SYNPR: variants seen among roughly 807,000 people sequenced by gnomAD.
The protein encoded by SYNPR is synaptoporin.
SYNPR carries 23 observed loss-of-function variants against 32.9 expected under a neutral mutation model. That is an observed-to-expected ratio of 0.70 (90% CI 0.50 to 0.99). SYNPR has a LOEUF of 0.99. Among genes scored for constraint, SYNPR ranks in the 50% least tolerant of loss-of-function variants. The probability of loss-of-function intolerance (pLI) is 0.00; values close to 1 mark genes in which losing one functional copy is unlikely to be tolerated. For missense variants in SYNPR, 318 were observed against 349.3 expected, an observed-to-expected ratio of 0.91 and a Z score of 0.71; for synonymous variants, 146 against 135.9, an observed-to-expected ratio of 1.07 and a Z score of -0.52.
rs559204531 is a variant in SYNPR, at chr3:63,304,938, A to G, written c.84+26196A>G. Among the ~76,000 whole-genome samples the G allele has an allele frequency of 2.0e-5, 3 of 152,116 alleles. No individual in the cohort carries two copies. In the South Asian group the frequency reaches 6.2e-4, roughly 32 times the overall value. On this transcript the variant is annotated intron_variant, in intron 2 of 5. Coordinates refer to ENST00000478300, the MANE Select transcript of SYNPR (RefSeq NM_001130003.2). ...GATTTCAGTCCTAGCTTGCCATATTACTTATAGAACAGTGGAGAAAGTTAT... is the reference window on the plus strand; with the variant it reads ...GATTTCAGTCCTAGCTTGCCATATTGCTTATAGAACAGTGGAGAAAGTTAT...
At chr3:63,278,203 T>G, upstream of SYNPR, 1 of 271,060 alleles carries the variant, frequency 3.7e-6, no homozygotes, top group Non-Finnish European at 6.9e-6. Flanking sequence ...GCCCACCTCC[T>G]CGCCCTCCCC....
At chr3:63,450,923 C>A (rs1461930412) in intron 2 of SYNPR, among the ~76,000 whole-genome samples, 1 of 152,170 alleles carries the variant, frequency 6.6e-6, no homozygotes, top group Non-Finnish European at 1.5e-5. Flanking sequence ...AAGTATATTG[C>A]TCTGGCAGCA....
intron 4 of SYNPR, among the ~76,000 whole-genome samples, chr3:63,572,706 A>G (rs1487917193): frequency 2.0e-5 from 3 of 152,212 alleles, no homozygotes; most frequent in Non-Finnish European, 4.4e-5. Flanking sequence ...GATTTAAATT[A>G]GAAAGGTTCT....
At chr3:63,364,798 A>G (rs2087710876) in intron 2 of SYNPR, among the ~76,000 whole-genome samples, 1 of 152,204 alleles carries the variant, frequency 6.6e-6, no homozygotes. Flanking sequence ...ATTGGAGATT[A>G]TGATTCAGTA....
At chr3:63,555,815 G>A (rs1702586526) in intron 3 of SYNPR, among the ~76,000 whole-genome samples, 1 of 152,126 alleles carries the variant, frequency 6.6e-6, no homozygotes, top group Admixed American at 6.5e-5. Flanking sequence ...TCACAGTTGA[G>A]TGGTCAGTGG....
intron 3 of SYNPR, among the ~76,000 whole-genome samples, chr3:63,492,878 A>G (rs111625958): frequency 1.3e-5 from 2 of 152,136 alleles, no homozygotes; most frequent in African/African-American, 2.4e-5. Flanking sequence ...AGGAAAGAGA[A>G]ATAGAGAGAC....
intron 3 of SYNPR, among the ~76,000 whole-genome samples, chr3:63,490,023 G>A (rs967741052): frequency 6.6e-6 from 1 of 152,140 alleles, no homozygotes; most frequent in Non-Finnish European, 1.5e-5. Flanking sequence ...GTCTTGAGAG[G>A]AAATTAGGAA....
the SYNPR span, among the ~76,000 whole-genome samples, chr3:63,222,011 A>ATTTTTTTTTTATTTTTTTTTTTTTTT: frequency 1.8e-5 from 1 of 56,406 alleles, no homozygotes; most frequent in Non-Finnish European, 3.5e-5. Context: ...GCCATGCTCA[A>ATTTTTTTTTTATTTTTTTTTTTTTTT]TTTTTTTTTT....
At chr3:63,249,748 T>C (rs915411981) in intron 1 of SYNPR, among the ~76,000 whole-genome samples, 2 of 152,154 alleles carry the variant, frequency 1.3e-5, no homozygotes, top group Non-Finnish European at 2.9e-5. Flanking sequence ...CTGTAGGGAA[T>C]CATAAATAGG....
At chr3:63,505,640 TGATA>T (rs1405766495) in intron 3 of SYNPR, among the ~76,000 whole-genome samples, 1 of 152,198 alleles carries the variant, frequency 6.6e-6, no homozygotes, top group African/African-American at 2.4e-5. Context: ...AAAAGTTAAT[TGATA>T]AAGTGAAGAC....
intron 4 of SYNPR, among the ~76,000 whole-genome samples, chr3:63,563,130 A>C (rs1196113224): frequency 6.6e-6 from 1 of 152,110 alleles, no homozygotes; most frequent in Non-Finnish European, 1.5e-5. Flanking sequence ...TGCTGCTTTC[A>C]CAGTTCTGTC....
chr3:63,486,202 C>T (rs1701146542), intron 3 of SYNPR, among the ~76,000 whole-genome samples: 1 of 152,182 alleles, frequency 6.6e-6, no homozygotes, highest in Non-Finnish European at 1.5e-5. Context: ...GGCCACCATG[C>T]CTAGCCACAA....
chr3:63,416,339 T>A (rs1422649672), intron 2 of SYNPR, among the ~76,000 whole-genome samples: 2 of 152,006 alleles, frequency 1.3e-5, no homozygotes, highest in Non-Finnish European at 2.9e-5. Context: ...GAGACTAGGT[T>A]GGGCAACATG....
intron 3 of SYNPR, among the ~76,000 whole-genome samples, chr3:63,271,300 A>T (rs909874017): frequency 6.6e-6 from 1 of 152,170 alleles, no homozygotes; most frequent in Non-Finnish European, 1.5e-5. Context: ...GGCAGAGATT[A>T]TAACCATGAG....
At chr3:63,565,203 C>T (rs1313877730) in intron 4 of SYNPR, among the ~76,000 whole-genome samples, 1 of 152,134 alleles carries the variant, frequency 6.6e-6, no homozygotes, top group East Asian at 1.9e-4. Flanking sequence ...CAACTCCTGT[C>T]CTATGGAGAG....
intron 2 of SYNPR, among the ~76,000 whole-genome samples, chr3:63,299,169 G>T (rs867461974): frequency 6.6e-6 from 1 of 152,116 alleles, no homozygotes; most frequent in South Asian, 2.1e-4. Context: ...GGAAAAGAAA[G>T]GATATATTGG....
intron 3 of SYNPR, among the ~76,000 whole-genome samples, chr3:63,503,754 C>T (rs1299369160): frequency 6.6e-6 from 1 of 151,780 alleles, no homozygotes; most frequent in Admixed American, 6.6e-5. Flanking sequence ...AACAGTACCT[C>T]CTAAAACTAA....
At chr3:63,239,054 T>C (rs532264080) in intron 1 of SYNPR, among the ~76,000 whole-genome samples, 57 of 152,160 alleles carry the variant, frequency 3.7e-4, no homozygotes, top group Non-Finnish European at 6.8e-4. Flanking sequence ...AAACTTCATC[T>C]TCCTATGGAG....
chr3:63,533,738 C>T (rs1418719377), intron 3 of SYNPR, among the ~76,000 whole-genome samples: 1 of 152,120 alleles, frequency 6.6e-6, no homozygotes, highest in Non-Finnish European at 1.5e-5. Flanking sequence ...ACTCAACCAG[C>T]CATGCTATTC....
Sources: gnomAD v4.1 joint callset for allele counts (sites outside exome capture counted in the v4.1 genomes callset) on GRCh38, gnomAD v4.1.1 for gene constraint, MANE v1.5 for transcripts, NCBI Gene and HGNC (gene_info 2026-07-23, HGNC 2026-07-21) for gene names.